The following CASK variants were observed in gnomAD, a reference collection of about 807,000 sequenced individuals.
CASK encodes peripheral plasma membrane protein CASK.
In CASK, 4 loss-of-function variants were observed where a neutral mutation model predicts 82.9. The ratio of observed to expected loss-of-function variants is 0.05; its 90% confidence interval spans 0.02 to 0.11. The LOEUF (loss-of-function observed/expected upper bound fraction) is 0.11. CASK is among the 10% of genes least tolerant of loss of function. CASK has a pLI of 1.00. For synonymous variants in CASK, 259 were observed against 253.5 expected (o/e 1.02, Z -0.20); for missense variants, 358 against 720.9 (o/e 0.50, Z 5.76).
chrX:41,912,603 C>T (rs1324995914), intron 1 of CASK, among the ~76,000 whole-genome samples: 4 of 107,352 alleles, frequency 3.7e-5, no homozygotes, highest in Admixed American at 1.0e-4. Context: ...CCACTGCACC[C>T]GGCCTGGACA....
chrX:41,756,446 G>A (rs968899827), intron 3 of CASK, among the ~76,000 whole-genome samples: 2 of 112,032 alleles, frequency 1.8e-5, no homozygotes, highest in Non-Finnish European at 3.8e-5. Context: ...GATAAAATGG[G>A]TATAGAATAC....
At chrX:41,825,390 C>G (rs1287165677) in intron 2 of CASK, among the ~76,000 whole-genome samples, 1 of 111,766 alleles carries the variant, frequency 8.9e-6, no homozygotes, top group Non-Finnish European at 1.9e-5. Flanking sequence ...TCTAGATACC[C>G]AGCAAATACT....
At chrX:41,613,070 G>A (rs1237776367) in intron 11 of CASK, among the ~76,000 whole-genome samples, 2 of 108,890 alleles carry the variant, frequency 1.8e-5, no homozygotes, top group African/African-American at 3.3e-5. Context: ...GCCTCTGCCC[G>A]GCCGCCCCTA....
At chrX:41,574,523 A>G (rs866371230) in intron 15 of CASK, among the ~76,000 whole-genome samples, 3 of 112,238 alleles carry the variant, frequency 2.7e-5, no homozygotes, top group Admixed American at 9.5e-5. Flanking sequence ...ATGCCAGAAT[A>G]CTATTCTACA....
intron 1 of CASK, among the ~76,000 whole-genome samples, chrX:41,891,252 G>C (rs2072163610): frequency 1.1e-5 from 1 of 93,949 alleles, no homozygotes; most frequent in Admixed American, 1.4e-4. Flanking sequence ...CAAAAGAGAA[G>C]AACTGGCTTC....
chrX:41,765,578 T>G (rs760675291), intron 3 of CASK, among the ~76,000 whole-genome samples: 393 of 111,776 alleles, frequency 3.5e-3, no homozygotes, highest in Non-Finnish European at 6.5e-3. Context: ...GTCTACTTAC[T>G]GCCATGGAGT....
At chrX:41,700,579 CTTTT>C (rs71826128) in intron 5 of CASK, among the ~76,000 whole-genome samples, 5 of 65,204 alleles carry the variant, frequency 7.7e-5, no homozygotes, top group Admixed American at 3.8e-4. Context: ...ACGTATATGA[CTTTT>C]TTTTTTTTTT....
intron 3 of CASK, among the ~76,000 whole-genome samples, chrX:41,756,997 T>C (rs927113453): frequency 8.9e-6 from 1 of 112,110 alleles, no homozygotes; most frequent in Admixed American, 9.5e-5. Flanking sequence ...AGGCTCCATA[T>C]GTGAAATCCA....
At chrX:41,864,186 A>C (rs917680384) in intron 1 of CASK, among the ~76,000 whole-genome samples, 4 of 111,969 alleles carry the variant, frequency 3.6e-5, no homozygotes, top group African/African-American at 1.3e-4. Context: ...TAATTTAAAT[A>C]AGCTAGTGAA....
intron 1 of CASK, among the ~76,000 whole-genome samples, chrX:41,913,317 G>A (rs894199380): frequency 8.9e-6 from 1 of 111,871 alleles, no homozygotes; most frequent in Non-Finnish European, 1.9e-5. Context: ...CCTGCACGTT[G>A]TGCACATGTA....
At chrX:41,832,494 A>G (rs1372724894) in intron 2 of CASK, among the ~76,000 whole-genome samples, 1 of 112,806 alleles carries the variant, frequency 8.9e-6, no homozygotes, top group Non-Finnish European at 1.9e-5. Context: ...CATATGACCT[A>G]GCAATTCTAT....
At chrX:41,854,513 C>T in intron 1 of CASK, among the ~76,000 whole-genome samples, 1 of 112,560 alleles carries the variant, frequency 8.9e-6, no homozygotes, top group East Asian at 2.8e-4. Flanking sequence ...TCGCTTATTA[C>T]AGGTACAAAC....
chrX:41,741,759 T>C (rs1316800550), intron 4 of CASK, among the ~76,000 whole-genome samples: 3 of 112,134 alleles, frequency 2.7e-5, no homozygotes, highest in African/African-American at 9.7e-5. Flanking sequence ...CATGTCAAAG[T>C]GTGCAAGCAG....
intron 12 of CASK, among the ~76,000 whole-genome samples, chrX:41,609,076 C>CATTTG (rs1195380347): frequency 8.9e-6 from 1 of 112,026 alleles, no homozygotes; most frequent in Non-Finnish European, 1.9e-5. Context: ...TTGTAGCCTG[C>CATTTG]TAGGCTCTGT....
chrX:41,763,903 C>T (rs1008909034), intron 3 of CASK, among the ~76,000 whole-genome samples: 6 of 111,738 alleles, frequency 5.4e-5, no homozygotes, highest in Non-Finnish European at 1.1e-4. Flanking sequence ...CATAAAGAAA[C>T]AAAATTACTA....
At chrX:41,732,963 C>A (rs886126013) in intron 5 of CASK, among the ~76,000 whole-genome samples, 7 of 108,988 alleles carry the variant, frequency 6.4e-5, no homozygotes, top group Non-Finnish European at 9.5e-5. Context: ...GTCAGGAGTT[C>A]GAGATCAGCC....
At chrX:41,727,813 C>T (rs2147681103) in intron 5 of CASK, 6 of 1,195,214 alleles carry the variant, frequency 5.0e-6, no homozygotes, top group Non-Finnish European at 6.8e-6. Context: ...AGTTTGCTTC[C>T]TTCCTTATAG....
intron 21 of CASK, among the ~76,000 whole-genome samples, chrX:41,545,003 G>A (rs1221210959): frequency 9.1e-6 from 1 of 109,490 alleles, no homozygotes; most frequent in Non-Finnish European, 1.9e-5. Context: ...TTTACATTTT[G>A]GGTATTAATG....
At chrX:41,752,471 G>A (rs181098150) in intron 3 of CASK, among the ~76,000 whole-genome samples, 120 of 110,380 alleles carry the variant, frequency 1.1e-3, no homozygotes, top group Admixed American at 7.5e-3. Flanking sequence ...TGTATTTTTA[G>A]TAGAGATAGG....
Sources: gnomAD v4.1 joint callset for allele counts (sites outside exome capture counted in the v4.1 genomes callset) on GRCh38, gnomAD v4.1.1 for gene constraint, MANE v1.5 for transcripts, NCBI Gene and HGNC (gene_info 2026-07-23, HGNC 2026-07-21) for gene names.